PCDHA6: variants seen among roughly 807,000 people sequenced by gnomAD.
PCDHA6 encodes protocadherin alpha 6.
A neutral mutation model predicts 60.3 loss-of-function variants in PCDHA6; 55 were observed. The observed-to-expected ratio is 0.91, with a 90% CI of 0.73 to 1.14. The LOEUF is 1.14. Among genes scored for constraint, PCDHA6 ranks in the 50% most tolerant of loss-of-function variants. The pLI is 0.00. For synonymous variants in PCDHA6, 652 were observed against 557.9 expected (o/e 1.17, Z -2.38); for missense variants, 1,327 against 1,256.5 (o/e 1.06, Z -0.85).
chr5:140,836,191 A>G lies in PCDHA6; in HGVS notation c.2394+5706A>G. The stretch of plus-strand genomic sequence containing the variant: ...CGTGCAGTTGACGCTGACTCAGGCT[A>G]CAACGCGTGGCTTTCGTATGAGTTG... On this transcript the variant is annotated intron_variant, in intron 1 of 3. Coordinates refer to ENST00000529310, the MANE Select transcript of PCDHA6 (RefSeq NM_018909.4). 1.2e-6 allele frequency: 2 copies of G among 1,613,828 alleles called. 1 individual carries two copies. Among genetic ancestry groups the G allele is most frequent in the South Asian group, 2.2e-5 (2 of 91,074 alleles).
At chr5:140,873,449 T>G (rs565390619) in intron 1 of PCDHA6, among the ~76,000 whole-genome samples, 1 of 152,310 alleles carries the variant, frequency 6.6e-6, no homozygotes, top group Non-Finnish European at 1.5e-5. Flanking sequence ...AATAACAAAT[T>G]TGCATTTTAG....
intron 1 of PCDHA6, chr5:140,876,573 C>T (rs2056433061): frequency 6.2e-7 from 1 of 1,614,152 alleles, no homozygotes; most frequent in South Asian, 1.1e-5. Context: ...AGGTGGGTAC[C>T]GTCATTGCCC....
chr5:140,993,134 A>G (rs2097542279), intron 3 of PCDHA6, among the ~76,000 whole-genome samples: 1 of 152,238 alleles, frequency 6.6e-6, no homozygotes, highest in African/African-American at 2.4e-5. Flanking sequence ...CTTCTGTTGC[A>G]ACAAGTATAA....
intron 1 of PCDHA6, among the ~76,000 whole-genome samples, chr5:140,846,989 C>CG (rs1310758236): frequency 2.0e-5 from 3 of 149,196 alleles, no homozygotes; most frequent in African/African-American, 7.4e-5. Context: ...AAGTTCCCCC[C>CG]GGGAGAATAT....
intron 1 of PCDHA6, among the ~76,000 whole-genome samples, chr5:140,895,293 G>A (rs759197253): frequency 5.9e-5 from 9 of 151,430 alleles, no homozygotes; most frequent in African/African-American, 9.7e-5. Flanking sequence ...TAGGACCTTC[G>A]ATTTCCCCCC....
chr5:140,936,944 T>A (rs900789474), intron 1 of PCDHA6, among the ~76,000 whole-genome samples: 3 of 152,226 alleles, frequency 2.0e-5, no homozygotes, highest in African/African-American at 7.2e-5. Flanking sequence ...AATATCTTAT[T>A]TTGATCTTTA....
intron 1 of PCDHA6, among the ~76,000 whole-genome samples, chr5:140,976,501 A>G (rs568983330): frequency 6.6e-6 from 1 of 152,240 alleles, no homozygotes; most frequent in East Asian, 1.9e-4. Context: ...CAGGGAGCCA[A>G]GATCGCGCCA....
At chr5:140,866,469 C>CG (rs2049380122) in intron 1 of PCDHA6, 2 of 152,080 alleles carry the variant, frequency 1.3e-5, no homozygotes, top group Non-Finnish European at 2.9e-5. Context: ...AAGCTCATAA[C>CG]AACTGACAAA....
chr5:140,847,280 A>T (rs2150398686), intron 1 of PCDHA6, among the ~76,000 whole-genome samples: 1 of 149,896 alleles, frequency 6.7e-6, no homozygotes, highest in Non-Finnish European at 1.5e-5. Context: ...TTGAACGGGA[A>T]GACAAACTCA....
Position 140,925,641 on chromosome 5 carries a change from T to TATAATAATAATA in PCDHA6, c.2395-53282_2395-53271dup, listed in dbSNP as rs10569930. On this transcript the variant is annotated intron_variant, in intron 1 of 3. Coordinates refer to ENST00000529310, the MANE Select transcript of PCDHA6 (RefSeq NM_018909.4). ...TGCACATGTACCCTAGAACTTAAAG[T>TATAATAATAATA]ATAATAATAATAATAATAATAATAA... 2.2e-3 allele frequency among the ~76,000 whole-genome samples: 310 copies of TATAATAATAATA among 143,350 alleles called. 1 individual carries two copies. The highest frequency in any genetic ancestry group is 2.8e-3 in the East Asian group (14 of 4,930). 94.0% of individuals were successfully genotyped at this position (143,350 alleles called of 152,430 possible).
intron 1 of PCDHA6, chr5:140,857,557 G>A: frequency 6.3e-7 from 1 of 1,596,936 alleles, no homozygotes; most frequent in Non-Finnish European, 8.6e-7. Flanking sequence ...AGCGCTCGCT[G>A]TCGAGCTACG....
At chr5:140,923,839 A>G (rs2081544977) in intron 1 of PCDHA6, among the ~76,000 whole-genome samples, 1 of 152,236 alleles carries the variant, frequency 6.6e-6, no homozygotes, top group Non-Finnish European at 1.5e-5. Flanking sequence ...CAGTTTAAAT[A>G]GAGAAATGGG....
intron 2 of PCDHA6, among the ~76,000 whole-genome samples, chr5:140,981,925 T>C (rs2096957903): frequency 1.3e-5 from 2 of 152,160 alleles, no homozygotes; most frequent in South Asian, 2.1e-4. Flanking sequence ...CAAGTTTCTC[T>C]AGTCTCAGGA....
rs80155737 is a variant in PCDHA6, at chr5:140,924,458, T to C, written c.2395-54491T>C. Among the ~76,000 whole-genome samples, 1,228 of 152,310 alleles carry C rather than the reference T, an allele frequency of 8.1e-3. 6 individuals are homozygous for C. Among genetic ancestry groups the C allele is most frequent in the African/African-American group, 0.019 (794 of 41,566 alleles). On this transcript the variant is annotated intron_variant, in intron 1 of 3. Coordinates refer to ENST00000529310, the MANE Select transcript of PCDHA6 (RefSeq NM_018909.4). The stretch of plus-strand genomic sequence containing the variant: ...GAGATAACGAATGGGTTTGTGTGTT[T>C]AGGGAGGTAACTGGTTTTTAGTGGA...
At position 140,848,447 on chromosome 5, in the gene PCDHA6, CT is replaced by C; in HGVS notation, c.2394+17963del. On this transcript the variant is annotated intron_variant, in intron 1 of 3. Transcript: ENST00000529310. ...GACTGACGAAATCAGATGATTTCTT[CT>C]AATTTGGAGGCAATTTTCACTAATT... The C allele has an allele frequency of 2.7e-6, 4 of 1,507,352 alleles. 1 individual carries two copies. The highest frequency in any genetic ancestry group is 9.0e-7 in the Non-Finnish European group (1 of 1,107,456). 93.4% of individuals were successfully genotyped at this position (1,507,352 alleles called of 1,614,324 possible).
intron 1 of PCDHA6, chr5:140,843,091 G>C: frequency 6.3e-7 from 1 of 1,595,616 alleles, no homozygotes; most frequent in Non-Finnish European, 8.6e-7. Context: ...CGGGCCACGT[G>C]GTAGCGAAGG....
In PCDHA6 at chr5:140,829,666, C is replaced by T; in HGVS notation, c.1575C>T (p.His525=). 2 of 1,612,840 alleles carry T rather than the reference C, an allele frequency of 1.2e-6. No homozygotes were observed. Among genetic ancestry groups the T allele is most frequent in the Non-Finnish European group, 1.7e-6 (2 of 1,179,830 alleles). Residue 525 remains histidine, a synonymous_variant, in exon 1 of 4, where the codon CAC becomes CAT. Transcript: ENST00000529310. ...GKVYALQPLD[H]EELELLQFQV... is the part of the protein sequence containing the mutation. ...TGTACGCGCTGCAGCCGCTGGACCA[C>T]GAGGAGCTAGAGCTGCTGCAGTTTC...
chr5:140,869,873 A>C, intron 1 of PCDHA6: 8 of 1,610,644 alleles, frequency 5.0e-6, no homozygotes, highest in Non-Finnish European at 6.8e-6. Flanking sequence ...AATGCTGCTA[A>C]AGAAACTCTT....
At chr5:140,928,927 G>T (rs1359556123) in intron 1 of PCDHA6, 1 of 1,613,982 alleles carries the variant, frequency 6.2e-7, no homozygotes, top group Non-Finnish European at 8.5e-7. Context: ...GCAGCTTTCT[G>T]CCCAGAACTT....
Sources: allele counts gnomAD v4.1 joint callset (sites outside exome capture counted in the v4.1 genomes callset), GRCh38; gene constraint gnomAD v4.1.1; transcripts MANE v1.5; gene names NCBI Gene and HGNC (gene_info 2026-07-23, HGNC 2026-07-21).